The following CFAP69 variants were observed in gnomAD, a reference collection of about 807,000 sequenced individuals.
The protein encoded by CFAP69 is cilia and flagella associated protein 69, also known as cilia- and flagella-associated protein 69.
In CFAP69, 92 loss-of-function variants were observed where a neutral mutation model predicts 123.0. The observed-to-expected ratio is 0.75, with a 90% CI of 0.63 to 0.89. The LOEUF is 0.89. CFAP69 is among the 40% of genes least tolerant of loss of function. CFAP69 has a pLI of 0.00. For synonymous variants in CFAP69, 380 were observed against 364.3 expected (o/e 1.04, Z -0.49); for missense variants, 1,067 against 1,096.9 (o/e 0.97, Z 0.39).
chr7:90,284,596 T>C (rs921071330), intron 13 of CFAP69, among the ~76,000 whole-genome samples: 2 of 152,020 alleles, frequency 1.3e-5, no homozygotes, highest in African/African-American at 4.8e-5. Flanking sequence ...ACTTAATGAG[T>C]AGGACAGAGT....
intron 17 of CFAP69, chr7:90,302,426 G>A (rs1312954819): frequency 6.6e-6 from 1 of 152,142 alleles, no homozygotes; most frequent in Admixed American, 6.5e-5. Context: ...TACTGCCTAG[G>A]TTGTCTTCCA....
intron 17 of CFAP69, 190 bp from the exon 18 acceptor site, chr7:90,303,779 T>G: frequency 1.7e-6 from 2 of 1,171,464 alleles, no homozygotes; most frequent in Non-Finnish European, 2.1e-6. Flanking sequence ...CTCTAAGTTT[T>G]GCCACAGAGT....
chr7:90,247,729 C>T (rs1460264785), intron 1 of CFAP69, among the ~76,000 whole-genome samples: 1 of 152,020 alleles, frequency 6.6e-6, no homozygotes, highest in African/African-American at 2.4e-5. Context: ...GCCTGTAGTC[C>T]AGCTACTTGG....
intron 20 of CFAP69, 55 bp from the exon 21 acceptor site, chr7:90,307,713 C>CAAAA: frequency 3.0e-6 from 3 of 986,218 alleles, no homozygotes; most frequent in South Asian, 1.8e-5. Flanking sequence ...GGTTCTGTCT[C>CAAAA]AAAAAAAAAA....
intron 8 of CFAP69, among the ~76,000 whole-genome samples, chr7:90,272,534 CAGA>C (rs1287797281): frequency 3.9e-5 from 6 of 152,092 alleles, no homozygotes; most frequent in East Asian, 3.8e-4. Context: ...ACATGTTCTT[CAGA>C]AGAAGATCAG....
At chr7:90,287,812 C>G (rs963529567) in intron 14 of CFAP69, 9 of 867,970 alleles carry the variant, frequency 1.0e-5, no homozygotes, top group Non-Finnish European at 1.2e-5. Context: ...AATGTTTTAA[C>G]TACATTTATA....
rs968747882 is a variant in CFAP69 at position 90,286,996 on chromosome 7, G to A, written c.1656+597G>A. Among the ~76,000 whole-genome samples the A allele has an allele frequency of 4.0e-5, 6 of 149,734 alleles. No individual in the cohort carries two copies. In the East Asian group the frequency reaches 5.9e-4, roughly 15 times the overall value. On this transcript the variant is annotated intron_variant, in intron 14 of 22. Coordinates refer to ENST00000389297, the MANE Select transcript of CFAP69 (RefSeq NM_001039706.3). ...TCAGTTACTCGGGAGGCTGAGGCAC[G>A]AGAATTGCTTGAACCTAGGAGGTAG...
At chr7:90,257,704 C>T (rs117533778) in intron 2 of CFAP69, among the ~76,000 whole-genome samples, 2,657 of 152,232 alleles carry the variant, frequency 0.017, 42 homozygotes, top group Non-Finnish European at 0.025. Flanking sequence ...GACAGAATTT[C>T]ATTCTTTTTT....
At chr7:90,313,544 C>G (rs1245940773), downstream of CFAP69, among the ~76,000 whole-genome samples, 1 of 152,164 alleles carries the variant, frequency 6.6e-6, no homozygotes, top group Non-Finnish European at 1.5e-5. Context: ...ATGGCTAATT[C>G]TAAGGCTGGC....
chr7:90,289,430 CT>C (rs142692373), intron 15 of CFAP69, among the ~76,000 whole-genome samples: 9 of 152,026 alleles, frequency 5.9e-5, no homozygotes, highest in Middle Eastern at 3.4e-3. Flanking sequence ...TTTAAATAGC[CT>C]TTTTTTGTGT....
At position 90,310,556 on chromosome 7, in the gene CFAP69, AC is replaced by A. The variant is rs1232041406; in HGVS notation, c.*319del. ...GTTTAAGTCAGAAAAAAAATTTCTT[AC>A]AGGCTCTATACCTATCAAATCTAGG... On this transcript the variant is annotated 3_prime_UTR_variant, in exon 23 of 23. Transcript: ENST00000389297. 6.1e-6 allele frequency: 1 copy of A among 163,338 alleles called. No homozygotes were observed. Among genetic ancestry groups the A allele is most frequent in the African/African-American group, 2.4e-5 (1 of 41,622 alleles). 10.1% of individuals were successfully genotyped at this position (163,338 alleles called of 1,614,324 possible). A position where few individuals can be genotyped will look rare whatever the true frequency, so the allele number is the denominator to read the frequency against.
intron 4 of CFAP69, among the ~76,000 whole-genome samples, chr7:90,264,004 T>C (rs561794543): frequency 1.3e-5 from 2 of 149,054 alleles, no homozygotes; most frequent in East Asian, 4.0e-4. Context: ...GGCAGGAGAA[T>C]GGCGTGAACC....
chr7:90,319,308 C>G, the CFAP69 span: 1 of 398,004 alleles, frequency 2.5e-6, no homozygotes, highest in Non-Finnish European at 4.4e-6. Context: ...TAAATAGTGA[C>G]TTTTAAAGAA....
intron 18 of CFAP69, chr7:90,304,439 G>A: frequency 2.5e-6 from 3 of 1,201,838 alleles, no homozygotes; most frequent in Non-Finnish European, 3.1e-6. Flanking sequence ...TGTCTATTAA[G>A]GAAAAAGTTT....
intron 9 of CFAP69, 78 bp from the exon 10 acceptor site, chr7:90,276,995 G>A: frequency 3.0e-6 from 3 of 992,800 alleles, no homozygotes; most frequent in South Asian, 3.5e-5. Context: ...ATGTACTTAA[G>A]TAGTAAATAT....
chr7:90,264,706 T>G (rs573716546), intron 4 of CFAP69, among the ~76,000 whole-genome samples: 12 of 152,256 alleles, frequency 7.9e-5, no homozygotes, highest in Admixed American at 1.3e-4. Context: ...CAAAATGGCT[T>G]TCTTAACCTA....
At position 90,304,735 on chromosome 7, in the gene CFAP69, T is replaced by G; in HGVS notation, c.2189-9T>G. The G allele has an allele frequency of 6.2e-7, 1 of 1,600,594 alleles. No individual in the cohort carries two copies. The highest frequency in any genetic ancestry group is 8.5e-7 in the Non-Finnish European group (1 of 1,174,962). The stretch of plus-strand genomic sequence containing the variant: ...TAAAGTAATTCTGTCTTTATAAACT[T>G]TATTTTAGATTTTGAAAATTTACCT... On this transcript the variant is annotated splice_polypyrimidine_tract_variant and intron_variant, in intron 18 of 22. Transcript: ENST00000389297.
At chr7:90,315,497 C>A (rs182049220), downstream of CFAP69, among the ~76,000 whole-genome samples, 1 of 152,152 alleles carries the variant, frequency 6.6e-6, no homozygotes, top group African/African-American at 2.4e-5. Context: ...CAAACCAACA[C>A]AGGAACAGAA....
In CFAP69 at chr7:90,304,099, C is replaced by A. The variant is rs750396217; in HGVS notation, c.2181C>A (p.Gly727=). The change falls in exon 18 of 23, where the codon GGC becomes GGA. Residue 727 remains glycine, a synonymous_variant. Coordinates refer to ENST00000389297, the MANE Select transcript of CFAP69 (RefSeq NM_001039706.3). ...GAGCAAAAATTTATGCTATATTGGG[C>A]AAACTAGGTAAGAAGTTCTCTTCAA... ...NIRAKIYAIL[G]KLDFENLPGL... 4 of 1,548,164 alleles carry A rather than the reference C, an allele frequency of 2.6e-6. No individual in the cohort carries two copies. The highest frequency in any genetic ancestry group is 1.4e-5 in the African/African-American group (1 of 73,030).
Sources: allele counts gnomAD v4.1 joint callset (sites outside exome capture counted in the v4.1 genomes callset), GRCh38; gene constraint gnomAD v4.1.1; transcripts MANE v1.5; gene names NCBI Gene and HGNC (gene_info 2026-07-23, HGNC 2026-07-21).